The following DRC11 variants were observed in gnomAD, a reference collection of about 807,000 sequenced individuals.
DRC11 encodes dynein regulatory complex subunit 11.
chr2:236,393,103 C>T, the DRC11 span, among the ~76,000 whole-genome samples: 1 of 152,176 alleles, frequency 6.6e-6, no homozygotes, highest in South Asian at 2.1e-4. The surrounding 1 kb of genome is among the most constrained non-coding windows in gnomAD (Gnocchi z 4.7). Flanking sequence ...AAGAGGTCTC[C>T]CATGGGAAGC....
chr2:236,341,273 C>T, the DRC11 span, among the ~76,000 whole-genome samples: 7 of 152,194 alleles, frequency 4.6e-5, no homozygotes, highest in African/African-American at 1.4e-4. Context: ...AGGAGCAGCC[C>T]GTGCGCCTCA....
the DRC11 span, among the ~76,000 whole-genome samples, chr2:236,385,920 C>A: frequency 7.7e-5 from 10 of 130,056 alleles, no homozygotes; most frequent in Non-Finnish European, 1.5e-4. Flanking sequence ...TTGAGATAAT[C>A]ATGTGGTTTT....
At chr2:236,404,550 C>T in the DRC11 span, among the ~76,000 whole-genome samples, 1 of 152,228 alleles carries the variant, frequency 6.6e-6, no homozygotes, top group Non-Finnish European at 1.5e-5. Context: ...AGTCAAGCAA[C>T]GGTGCTGGTT....
chr2:236,394,146 G>A, the DRC11 span, among the ~76,000 whole-genome samples: 7 of 152,120 alleles, frequency 4.6e-5, no homozygotes, highest in Non-Finnish European at 7.3e-5. This position sits in a 1 kb window ranked among gnomAD's most constrained non-coding sequence, Gnocchi z 7.0. Context: ...ACCCCTCGAG[G>A]GGAGAGGATA....
At chr2:236,399,598 T>A in the DRC11 span, 1 of 857,750 alleles carries the variant, frequency 1.2e-6, no homozygotes, top group Non-Finnish European at 1.9e-6. This position sits in a 1 kb window ranked among gnomAD's most constrained non-coding sequence, Gnocchi z 7.0. Context: ...CCAGTCCTGG[T>A]CCCCCTGGGC....
the DRC11 span, among the ~76,000 whole-genome samples, chr2:236,436,641 A>G: frequency 6.6e-6 from 1 of 152,134 alleles, no homozygotes; most frequent in South Asian, 2.1e-4. Flanking sequence ...ATTCTGATAT[A>G]TGTACCTGAC....
At chr2:236,312,518 C>T in the DRC11 span, among the ~76,000 whole-genome samples, 1 of 151,980 alleles carries the variant, frequency 6.6e-6, no homozygotes, top group Non-Finnish European at 1.5e-5. Flanking sequence ...ATATTTCATA[C>T]TTGGAGATTA....
the DRC11 span, among the ~76,000 whole-genome samples, chr2:236,501,065 T>C: frequency 6.6e-6 from 1 of 152,140 alleles, no homozygotes; most frequent in Non-Finnish European, 1.5e-5. Context: ...ACAGGAAGCA[T>C]GGCAGCATCT....
At chr2:236,451,323 G>A in the DRC11 span, among the ~76,000 whole-genome samples, 1 of 151,610 alleles carries the variant, frequency 6.6e-6, no homozygotes. Flanking sequence ...ATATAAAAAA[G>A]TATAGCTGTC....
chr2:236,417,655 C>A, the DRC11 span, among the ~76,000 whole-genome samples: 1 of 151,828 alleles, frequency 6.6e-6, no homozygotes, highest in East Asian at 1.9e-4. Flanking sequence ...TGGTTTACTG[C>A]ACCTATCAAC....
the DRC11 span, among the ~76,000 whole-genome samples, chr2:236,373,440 G>A: frequency 8.6e-5 from 13 of 151,818 alleles, no homozygotes; most frequent in Middle Eastern, 3.4e-3. Flanking sequence ...TTGCAGAGAT[G>A]GTGTTCCTCC....
chr2:236,354,854 G>T, the DRC11 span, among the ~76,000 whole-genome samples: 1 of 152,184 alleles, frequency 6.6e-6, no homozygotes, highest in African/African-American at 2.4e-5. Flanking sequence ...GACAGGTGGA[G>T]TGGGACATGT....
At chr2:236,408,619 T>G in the DRC11 span, 1 of 725,888 alleles carries the variant, frequency 1.4e-6, no homozygotes, top group Non-Finnish European at 2.6e-6. This position sits in a 1 kb window ranked among gnomAD's most constrained non-coding sequence, Gnocchi z 5.5. Flanking sequence ...TTCTTCATGC[T>G]GCTGAAGTCC....
At chr2:236,415,477 G>A in the DRC11 span, among the ~76,000 whole-genome samples, 1 of 152,158 alleles carries the variant, frequency 6.6e-6, no homozygotes, top group African/African-American at 2.4e-5. This position sits in a 1 kb window ranked among gnomAD's most constrained non-coding sequence, Gnocchi z 5.7. Context: ...GGTACTCTAG[G>A]GTTGATACCA....
At chr2:236,409,120 T>C in the DRC11 span, 7 of 391,466 alleles carry the variant, frequency 1.8e-5, no homozygotes, top group African/African-American at 1.5e-4. Context: ...TTTTTTTCTT[T>C]TTTTGAGACA....
chr2:236,427,099 G>A, the DRC11 span, among the ~76,000 whole-genome samples: 32 of 152,196 alleles, frequency 2.1e-4, no homozygotes, highest in African/African-American at 7.7e-4. The surrounding 1 kb of genome is among the most constrained non-coding windows in gnomAD (Gnocchi z 5.9). Flanking sequence ...TGGATAGGCT[G>A]AACCACTCTT....
chr2:236,355,997 G>A, the DRC11 span, among the ~76,000 whole-genome samples: 2 of 152,160 alleles, frequency 1.3e-5, no homozygotes, highest in African/African-American at 4.8e-5. Flanking sequence ...GGAGCCGGGT[G>A]GATGGTACTG....
At chr2:236,506,106 C>T in the DRC11 span, among the ~76,000 whole-genome samples, 1 of 152,348 alleles carries the variant, frequency 6.6e-6, no homozygotes, top group South Asian at 2.1e-4. The surrounding 1 kb of genome is among the most constrained non-coding windows in gnomAD (Gnocchi z 4.9). Flanking sequence ...GTCTCAGGAG[C>T]ACTTGATGGA....
chr2:236,417,095 C>G, the DRC11 span, among the ~76,000 whole-genome samples: 1 of 151,648 alleles, frequency 6.6e-6, no homozygotes, highest in Non-Finnish European at 1.5e-5. Flanking sequence ...GTCTCGAACT[C>G]CTGACCTCAG....
Sources: allele counts gnomAD v4.1 joint callset (sites outside exome capture counted in the v4.1 genomes callset), GRCh38; gene constraint gnomAD v4.1.1; non-coding constraint Gnocchi (gnomAD v3.1); transcripts MANE v1.5; gene names NCBI Gene and HGNC (gene_info 2026-07-23, HGNC 2026-07-21).